TOP3A: variants seen among roughly 807,000 people sequenced by gnomAD.
The protein encoded by TOP3A is DNA topoisomerase 3-alpha.
TOP3A carries 64 observed loss-of-function variants against 111.3 expected under a neutral mutation model. That is an observed-to-expected ratio of 0.57 (90% CI 0.47 to 0.71). The LOEUF is 0.71. TOP3A is among the 30% of genes least tolerant of loss of function. The pLI, the probability that TOP3A is intolerant of heterozygous loss-of-function variation, is 0.00. For synonymous variants in TOP3A, 484 were observed against 485.1 expected, an observed-to-expected ratio of 1.00 and a Z score of 0.03; for missense variants, 1,104 against 1,285.0, an observed-to-expected ratio of 0.86 and a Z score of 2.15.
chr17:18,274,663 C>T lies in TOP3A; in HGVS notation c.*139G>A, dbSNP rs1979216615. The T allele has an allele frequency of 7.1e-7, 1 of 1,414,986 alleles. No individual in the cohort carries two copies. The highest frequency in any genetic ancestry group is 1.4e-5 in the African/African-American group (1 of 69,444). The allele number at this position is 1,414,986 out of a possible 1,614,324, so 87.7% of individuals were successfully genotyped here. On this transcript the variant is annotated 3_prime_UTR_variant, in exon 19 of 19. Transcript: ENST00000321105. ...GATCTGGACCTTGTGCCCCTTAACACAAGAAGGCCCGACTCCAAAGGCCAA... is the reference window on the plus strand; with the variant it reads ...GATCTGGACCTTGTGCCCCTTAACATAAGAAGGCCCGACTCCAAAGGCCAA...
intron 1 of TOP3A, among the ~76,000 whole-genome samples, chr17:18,314,276 T>C (rs1410282091): frequency 1.3e-5 from 2 of 151,948 alleles, no homozygotes; most frequent in Non-Finnish European, 2.9e-5. Context: ...AACAGTAAAA[T>C]ACACACTTCC....
intron 13 of TOP3A, among the ~76,000 whole-genome samples, chr17:18,288,149 A>ATATATATATATATATATATAT (rs1301508954): frequency 9.8e-5 from 12 of 121,872 alleles, no homozygotes; most frequent in African/African-American, 2.0e-4. Context: ...ATATATATAT[A>ATATATATATATATATATATAT]AATTTTTTTT....
At chr17:18,314,506 A>G in intron 1 of TOP3A, 93 bp downstream of exon 1, 5 of 1,399,764 alleles carry the variant, frequency 3.6e-6, no homozygotes, top group Non-Finnish European at 4.8e-6. Flanking sequence ...ATGGGAGATA[A>G]TCGCCTTCAT....
At chr17:18,308,782 A>G in intron 2 of TOP3A, 100 bp downstream of exon 2, 1 of 705,640 alleles carries the variant, frequency 1.4e-6, no homozygotes, top group Non-Finnish European at 2.3e-6. Context: ...GGTTGTTAAC[A>G]GTTGTTATTC....
Position 18,277,707 on chromosome 17 carries a change from A to G in TOP3A, c.2795T>C (p.Phe932Ser), listed in dbSNP as rs1341588581. Reference protein sequence around the residue: ...CAKPREQQCGFFQWVDENTAP... With the variant: ...CAKPREQQCGSFQWVDENTAP... Reference sequence around the variant, plus strand: ...GGTGTTCTCATCGACCCACTGGAAAAAGCCACACTGCTGCTCTCTCGGCTT... The same window carrying G: ...GGTGTTCTCATCGACCCACTGGAAAGAGCCACACTGCTGCTCTCTCGGCTT... The change falls in exon 18 of 19, where the codon TTT becomes TCT. Residue 932 changes from phenylalanine to serine, a missense_variant. Physicochemically the swap from Phe to Ser is radical, Grantham distance 155. Transcript: ENST00000321105. The G allele has an allele frequency of 6.2e-7, 1 of 1,611,614 alleles. No homozygotes were observed. The highest frequency in any genetic ancestry group is 8.5e-7 in the Non-Finnish European group (1 of 1,177,932).
chr17:18,302,302 A>G lies in TOP3A; in HGVS notation c.776T>C (p.Ile259Thr). Residue 259 changes from isoleucine to threonine, a missense_variant, in exon 7 of 19, where the codon ATT becomes ACT. Coordinates refer to ENST00000321105, the MANE Select transcript of TOP3A (RefSeq NM_004618.5). ...LGFVVERFKA[I>T]QAFVPEIFHR... ...GAAGATTTCTGGTACAAAAGCCTGAATGGCTTTGAACCGCTCCACCACAAA... is the reference window on the plus strand; with the variant it reads ...GAAGATTTCTGGTACAAAAGCCTGAGTGGCTTTGAACCGCTCCACCACAAA... 6.2e-7 allele frequency: 1 copy of G among 1,612,408 alleles called. No individual in the cohort carries two copies. Among genetic ancestry groups the G allele is most frequent in the Non-Finnish European group, 8.5e-7 (1 of 1,179,824 alleles).
intron 9 of TOP3A, among the ~76,000 whole-genome samples, chr17:18,296,419 A>C (rs930198097): frequency 6.6e-6 from 1 of 152,068 alleles, no homozygotes; most frequent in South Asian, 2.1e-4. Context: ...ATCTCTACTA[A>C]AAATACAAAA....
chr17:18,310,893 T>C (rs1443364511), intron 1 of TOP3A, among the ~76,000 whole-genome samples: 1 of 152,194 alleles, frequency 6.6e-6, no homozygotes. Context: ...AACTTCTCAC[T>C]GTTTCTGAAT....
chr17:18,283,090 G>A (rs192813035), intron 15 of TOP3A, among the ~76,000 whole-genome samples: 1 of 152,284 alleles, frequency 6.6e-6, no homozygotes, highest in East Asian at 1.9e-4. Flanking sequence ...ACATTAAAAA[G>A]TAAAACTGGG....
rs770740311 is a variant in TOP3A, at chr17:18,271,870, C to T, written c.*2932G>A. 5.6e-5 allele frequency: 21 copies of T among 378,162 alleles called. No individual in the cohort carries two copies. Among genetic ancestry groups the T allele is most frequent in the Non-Finnish European group, 1.1e-4 (21 of 191,686 alleles). 23.4% of individuals were successfully genotyped at this position (378,162 alleles called of 1,614,324 possible). Reference sequence around the variant, plus strand: ...CTGAGGTCACGAGTTTGAGACCAGCCTGGCCAACATGGTGAAACCCCGTCT... The same window carrying T: ...CTGAGGTCACGAGTTTGAGACCAGCTTGGCCAACATGGTGAAACCCCGTCT... On this transcript the variant is annotated 3_prime_UTR_variant, in exon 19 of 19. Coordinates refer to ENST00000321105, the MANE Select transcript of TOP3A (RefSeq NM_004618.5).
At chr17:18,302,529 C>T in intron 6 of TOP3A, 51 bp downstream of exon 6, 1 of 1,599,330 alleles carries the variant, frequency 6.3e-7, no homozygotes, top group South Asian at 1.1e-5. Flanking sequence ...ATTTTTGGTC[C>T]CATAACACAA....
Position 18,280,562 on chromosome 17 carries a change from TG to T in TOP3A, c.2117del (p.Pro706GlnfsTer11), listed in dbSNP as rs778103932. 3 of 1,613,740 alleles carry T rather than the reference TG, an allele frequency of 1.9e-6. No homozygotes were observed. The highest frequency in any genetic ancestry group is 2.5e-6 in the Non-Finnish European group (3 of 1,179,854). On this transcript the variant is annotated frameshift_variant, in exon 17 of 19. Transcript: ENST00000321105. LOFTEE classifies it high-confidence loss of function. ...LEASRDSSVC[P>X]VCQPHPVYRL... Reference sequence around the variant, plus strand: ...TGTACACAGGGTGTGGCTGACAAACTGGACACACACTGCTGTCCCTGCTGGC... The same window carrying T: ...TGTACACAGGGTGTGGCTGACAAACTGACACACACTGCTGTCCCTGCTGGC...
chr17:18,308,666 T>G, intron 2 of TOP3A: 1 of 468,898 alleles, frequency 2.1e-6, no homozygotes, highest in Non-Finnish European at 3.6e-6. Context: ...CTATTGTATA[T>G]TAGCTTTTTT....
chr17:18,288,153 T>TATATATATATAAA (rs1567739499), intron 13 of TOP3A, among the ~76,000 whole-genome samples: 1 of 79,840 alleles, frequency 1.3e-5, no homozygotes, highest in African/African-American at 5.1e-5. Flanking sequence ...ATATATAAAT[T>TATATATATATAAA]TTTTTTTTTT....
intron 4 of TOP3A, among the ~76,000 whole-genome samples, chr17:18,305,959 T>C (rs922326812): frequency 1.1e-4 from 17 of 150,592 alleles, no homozygotes; most frequent in Non-Finnish European, 2.2e-4. Flanking sequence ...CCCAAAACTT[T>C]AGGAGGCTGA....
intron 3 of TOP3A, chr17:18,307,231 G>A: frequency 5.9e-6 from 2 of 338,434 alleles, no homozygotes; most frequent in Non-Finnish European, 1.1e-5. Context: ...GCAATTTTGA[G>A]GAACACCAAA....
chr17:18,272,107 C>T lies in TOP3A; in HGVS notation c.*2695G>A, dbSNP rs1239975273. ...TAAAAAATAAAAAATGGGTGAAGAA[C>T]TTAAATCGACATTCTCCAAAGAATG... On this transcript the variant is annotated 3_prime_UTR_variant, in exon 19 of 19. Coordinates refer to ENST00000321105, the MANE Select transcript of TOP3A (RefSeq NM_004618.5). Among the ~76,000 whole-genome samples, 3 of 152,158 alleles carry T rather than the reference C, an allele frequency of 2.0e-5. No homozygotes were observed. Among genetic ancestry groups the T allele is most frequent in the Admixed American group, 6.5e-5 (1 of 15,276 alleles).
rs930139855 is a variant in TOP3A at position 18,273,817 on chromosome 17, T to G, written c.*985A>C. 2.0e-5 allele frequency: 3 copies of G among 152,234 alleles called. No homozygotes were observed. The highest frequency in any genetic ancestry group is 7.2e-5 in the African/African-American group (3 of 41,448). The allele number at this position is 152,234 out of a possible 1,614,324, so 9.4% of individuals were successfully genotyped here. ...TATATTTTTAAAAATAGAGACAAGG[T>G]CTAACTATGTTGCCCAGGCTGGTCT... is the stretch of plus-strand genomic sequence containing the variant. On this transcript the variant is annotated 3_prime_UTR_variant, in exon 19 of 19. Transcript: ENST00000321105.
At chr17:18,311,343 T>C (rs1981898816) in intron 1 of TOP3A, among the ~76,000 whole-genome samples, 1 of 148,450 alleles carries the variant, frequency 6.7e-6, no homozygotes, top group South Asian at 2.2e-4. Context: ...GCCCAGGCTG[T>C]AATGTAATGG....
Sources: gnomAD v4.1 joint callset for allele counts (sites outside exome capture counted in the v4.1 genomes callset) on GRCh38, gnomAD v4.1.1 for gene constraint, MANE v1.5 for transcripts, NCBI Gene and HGNC (gene_info 2026-07-23, HGNC 2026-07-21) for gene names.